Variants in FREM2 observed in about 807,000 individuals in gnomAD.
FREM2 encodes FRAS1-related extracellular matrix protein 2.
FREM2 carries 119 observed loss-of-function variants against 219.9 expected under a neutral mutation model. That is an observed-to-expected ratio of 0.54 (90% CI 0.47 to 0.63). The LOEUF (loss-of-function observed/expected upper bound fraction) is 0.63. Among genes scored for constraint, FREM2 ranks in the 30% least tolerant of loss-of-function variants. FREM2 has a pLI of 0.00. For missense variants in FREM2, 4,030 were observed against 3,993.6 expected, an observed-to-expected ratio of 1.01 and a Z score of -0.25; for synonymous variants, 1,562 against 1,522.8, an observed-to-expected ratio of 1.03 and a Z score of -0.60.
intron 7 of FREM2, among the ~76,000 whole-genome samples, chr13:38,847,006 A>T (rs1489295802): frequency 1.3e-5 from 2 of 152,134 alleles, no homozygotes; most frequent in Non-Finnish European, 2.9e-5. Flanking sequence ...ACTCTCAGCA[A>T]ATCTAGTATT....
At chr13:38,816,801 A>G (rs1445644443) in intron 6 of FREM2, among the ~76,000 whole-genome samples, 5 of 152,168 alleles carry the variant, frequency 3.3e-5, no homozygotes, top group Non-Finnish European at 7.4e-5. Flanking sequence ...TTTGCAGATG[A>G]CATGATCTTA....
chr13:38,690,293 C>T lies in FREM2; in HGVS notation c.2949C>T (p.Phe983=), dbSNP rs149341036. 7.4e-6 allele frequency: 12 copies of T among 1,614,076 alleles called. No individual in the cohort carries two copies. The highest frequency in any genetic ancestry group is 5.3e-5 in the African/African-American group (4 of 74,920). The change falls in exon 1 of 24, where the codon TTC becomes TTT. Residue 983 remains phenylalanine, a synonymous_variant. Transcript: ENST00000280481. The part of the protein sequence containing the change: ...NEETDDLMLT[F]LLEDPPLYGE... ...AAACTGATGACTTGATGTTGACTTT[C>T]CTCTTGGAAGATCCACCTTTGTATG...
chr13:38,860,132 G>A (rs1877708997), intron 14 of FREM2, among the ~76,000 whole-genome samples: 1 of 152,168 alleles, frequency 6.6e-6, no homozygotes, highest in African/African-American at 2.4e-5. Flanking sequence ...AAAATGGTAT[G>A]CAAGGCTCAG....
chr13:38,769,879 T>G, intron 4 of FREM2, 71 bp downstream of exon 4: 1 of 1,074,742 alleles, frequency 9.3e-7, no homozygotes, highest in Non-Finnish European at 1.4e-6. Flanking sequence ...TGTAGGGGTA[T>G]AGCTTACAGT....
At chr13:38,749,591 G>A (rs1450253783) in intron 2 of FREM2, among the ~76,000 whole-genome samples, 1 of 152,050 alleles carries the variant, frequency 6.6e-6, no homozygotes, top group Non-Finnish European at 1.5e-5. Flanking sequence ...TGTGTGTTGG[G>A]TGGGAGGGTC....
rs183060805 is a variant in FREM2, at chr13:38,769,929, C to A, written c.5641+121C>A. The stretch of plus-strand genomic sequence containing the variant: ...TTGAAATTTCCATAGAGAGAACCTT[C>A]TAGATTAATGATTCATTATTCTCAG... On this transcript the variant is annotated intron_variant, in intron 4 of 23. Coordinates refer to ENST00000280481, the MANE Select transcript of FREM2 (RefSeq NM_207361.6). 98 of 765,196 alleles carry A rather than the reference C, an allele frequency of 1.3e-4. No individual in the cohort carries two copies. The African/African-American group carries it at 1.5e-3, about 12-fold the overall frequency. The allele number at this position is 765,196 out of a possible 1,614,324, so 47.4% of individuals were successfully genotyped here.
chr13:38,816,929 A>G (rs1196695761), intron 6 of FREM2, among the ~76,000 whole-genome samples: 1 of 152,148 alleles, frequency 6.6e-6, no homozygotes, highest in African/African-American at 2.4e-5. Flanking sequence ...GCTCTTAGTG[A>G]ACTATCTGAA....
Position 38,687,156 on chromosome 13 carries a change from C to A in FREM2, c.-189C>A, listed in dbSNP as rs996091572. On this transcript the variant is annotated 5_prime_UTR_variant, in exon 1 of 24. Coordinates refer to ENST00000280481, the MANE Select transcript of FREM2 (RefSeq NM_207361.6). ...ACGGCCTGGGAAGGCTTCGGCTCCTCGGCTGCGGCTCCAGCCCGGACGGCG... is the reference window on the plus strand; with the variant it reads ...ACGGCCTGGGAAGGCTTCGGCTCCTAGGCTGCGGCTCCAGCCCGGACGGCG... 2.7e-5 allele frequency: 20 copies of A among 747,014 alleles called. No homozygotes were observed. Among genetic ancestry groups the A allele is most frequent in the African/African-American group, 2.6e-4 (15 of 56,664 alleles). The allele number at this position is 747,014 out of a possible 1,614,324, so 46.3% of individuals were successfully genotyped here.
At chr13:38,855,568 C>T (rs1381029738) in intron 11 of FREM2, among the ~76,000 whole-genome samples, 1 of 152,124 alleles carries the variant, frequency 6.6e-6, no homozygotes, top group Non-Finnish European at 1.5e-5. Context: ...CAGATAAAAT[C>T]GGCATTCCTA....
chr13:38,784,288 A>G (rs1287547119), intron 5 of FREM2, among the ~76,000 whole-genome samples: 1 of 149,920 alleles, frequency 6.7e-6, no homozygotes, highest in South Asian at 2.1e-4. Context: ...GGGGCTATTA[A>G]TTTGTAACAT....
chr13:38,687,341 G>C lies in FREM2; in HGVS notation c.-4G>C, dbSNP rs371490266. ...TGACCTGTCCAAGCCCGAACACCGG[G>C]ACCATGCACTCAGCCGGGACTCCCG... On this transcript the variant is annotated 5_prime_UTR_variant, in exon 1 of 24. Transcript: ENST00000280481. 9.0e-5 allele frequency: 144 copies of C among 1,599,928 alleles called. No homozygotes were observed. The highest frequency in any genetic ancestry group is 1.2e-4 in the Non-Finnish European group (136 of 1,173,642).
intron 2 of FREM2, among the ~76,000 whole-genome samples, chr13:38,721,096 C>T (rs1871221794): frequency 6.6e-6 from 1 of 151,982 alleles, no homozygotes. Context: ...CAGCAAACCA[C>T]CATGGCACAA....
At chr13:38,790,021 G>C (rs1874495949) in intron 6 of FREM2, among the ~76,000 whole-genome samples, 1 of 152,090 alleles carries the variant, frequency 6.6e-6, no homozygotes, top group South Asian at 2.1e-4. Context: ...ATTAAACCCT[G>C]AGAGTAGTTT....
intron 2 of FREM2, among the ~76,000 whole-genome samples, chr13:38,727,263 T>G (rs1871565679): frequency 1.3e-5 from 2 of 151,768 alleles, no homozygotes; most frequent in Admixed American, 6.6e-5. Context: ...TTTTATGTAT[T>G]TATTTATTTT....
rs1196109918 is a variant in FREM2 at position 38,807,192 on chromosome 13, T to TATATATATATATAC, written c.6019+22397_6019+22398insCATATATATATATA. ...TTTTGCAGAGATCTTGTCTCTGTTA[T>TATATATATATATAC]ATATATATATATATATATATATATA... On this transcript the variant is annotated intron_variant, in intron 6 of 23. Coordinates refer to ENST00000280481, the MANE Select transcript of FREM2 (RefSeq NM_207361.6). Among the ~76,000 whole-genome samples the TATATATATATATAC allele has an allele frequency of 8.0e-4, 59 of 74,056 alleles. 1 individual carries two copies. The highest frequency in any genetic ancestry group is 3.3e-3 in the African/African-American group (44 of 13,520). 48.6% of individuals were successfully genotyped at this position (74,056 alleles called of 152,430 possible).
chr13:38,814,329 T>C (rs1284080657), intron 6 of FREM2, among the ~76,000 whole-genome samples: 1 of 152,240 alleles, frequency 6.6e-6, no homozygotes, highest in Non-Finnish European at 1.5e-5. Flanking sequence ...TTTGTGCCTG[T>C]CCTTCTTTGG....
chr13:38,841,814 T>C (rs1387556169), intron 6 of FREM2, among the ~76,000 whole-genome samples: 1 of 152,200 alleles, frequency 6.6e-6, no homozygotes, highest in Non-Finnish European at 1.5e-5. Context: ...TGATGTTAAT[T>C]CATTCTACAA....
chr13:38,850,438 G>A (rs920653580), intron 9 of FREM2, among the ~76,000 whole-genome samples: 1 of 152,184 alleles, frequency 6.6e-6, no homozygotes, highest in Admixed American at 6.5e-5. Context: ...TTGATTTCCA[G>A]TGATGTGATA....
intron 14 of FREM2, 62 bp from the exon 15 acceptor site, chr13:38,861,369 C>T (rs751284781): frequency 2.2e-4 from 338 of 1,547,078 alleles, no homozygotes; most frequent in Non-Finnish European, 2.9e-4. Flanking sequence ...TTTTCTAAAA[C>T]ATTCTTTAGG....
Sources: allele counts gnomAD v4.1 joint callset (sites outside exome capture counted in the v4.1 genomes callset), GRCh38; gene constraint gnomAD v4.1.1; transcripts MANE v1.5; gene names NCBI Gene and HGNC (gene_info 2026-07-23, HGNC 2026-07-21).